The following DGLUCY variants were observed in gnomAD, a reference collection of about 807,000 sequenced individuals.
The protein encoded by DGLUCY is D-glutamate cyclase, mitochondrial.
Under a neutral mutation model 58.5 loss-of-function variants are expected in DGLUCY, and 58 were observed. The observed-to-expected ratio is 0.99, with a 90% CI of 0.80 to 1.23. The LOEUF (loss-of-function observed/expected upper bound fraction) is 1.23, where lower values mean the gene tolerates loss of function less well. DGLUCY is among the 50% of genes most tolerant of loss of function. The pLI is 0.00. For synonymous variants in DGLUCY, 325 were observed against 314.1 expected, an observed-to-expected ratio of 1.03 and a Z score of -0.37; for missense variants, 779 against 784.7, an observed-to-expected ratio of 0.99 and a Z score of 0.09.
intron 1 of DGLUCY, among the ~76,000 whole-genome samples, chr14:91,118,411 C>T (rs551783326): frequency 4.6e-5 from 7 of 152,116 alleles, no homozygotes; most frequent in African/African-American, 1.7e-4. Context: ...GTGCCAGACT[C>T]TTCATAACTC....
chr14:91,079,257 A>G (rs2044084301), intron 1 of DGLUCY, among the ~76,000 whole-genome samples: 1 of 152,004 alleles, frequency 6.6e-6, no homozygotes, highest in South Asian at 2.1e-4. Context: ...TCTGAGCGCA[A>G]TATTATACGC....
chr14:91,193,711 A>G (rs914659417), intron 9 of DGLUCY, among the ~76,000 whole-genome samples: 3 of 152,118 alleles, frequency 2.0e-5, no homozygotes, highest in African/African-American at 7.2e-5. Context: ...GTGTGGTGGC[A>G]CGCGCCTGTA....
At chr14:91,215,964 A>G (rs1194525593) in intron 13 of DGLUCY, 1 of 346,982 alleles carries the variant, frequency 2.9e-6, no homozygotes. Context: ...CAGCGAGGCC[A>G]CTAAAACCTC....
exon 1 of DGLUCY, chr14:91,060,615 C>CTT (rs2043635370): frequency 1.2e-6 from 1 of 846,082 alleles, no homozygotes; most frequent in East Asian, 3.4e-5. Flanking sequence ...CGCCTCCTCC[C>CTT]CCTTCGGCGG....
chr14:91,074,485 A>G (rs2043986674), intron 1 of DGLUCY, among the ~76,000 whole-genome samples: 1 of 151,816 alleles, frequency 6.6e-6, no homozygotes, highest in Non-Finnish European at 1.5e-5. Flanking sequence ...TGACTCAAAA[A>G]AACAAAAAAA....
At chr14:91,211,656 A>C (rs968086543) in intron 12 of DGLUCY, among the ~76,000 whole-genome samples, 2 of 152,258 alleles carry the variant, frequency 1.3e-5, no homozygotes, top group African/African-American at 2.4e-5. Flanking sequence ...ATCTAGACAT[A>C]TAGACGTTAC....
chr14:91,166,489 ACC>A (rs1435114149), intron 3 of DGLUCY, among the ~76,000 whole-genome samples: 5 of 151,942 alleles, frequency 3.3e-5, no homozygotes, highest in Non-Finnish European at 5.9e-5. Flanking sequence ...CCATAGTGAA[ACC>A]CCATCCCTAC....
At chr14:91,070,426 A>C (rs968990787) in intron 1 of DGLUCY, among the ~76,000 whole-genome samples, 27 of 152,232 alleles carry the variant, frequency 1.8e-4, no homozygotes, top group African/African-American at 4.3e-4. Flanking sequence ...AAAGTGAAGC[A>C]GCCGATTGCC....
At position 91,176,057 on chromosome 14, in the gene DGLUCY, G is replaced by A. The variant is rs2048835160; in HGVS notation, c.730+1G>A. On this transcript the variant is annotated splice_donor_variant, in intron 7 of 13. Transcript: ENST00000256324. LOFTEE classifies it high-confidence loss of function. ...AGTCTCGGAGCTGTCAGCAGCTGTG[G>A]TACGTTGGGGGATAATGGGACAATC... 2 of 1,613,788 alleles carry A rather than the reference G, an allele frequency of 1.2e-6. No individual in the cohort carries two copies. The highest frequency in any genetic ancestry group is 2.2e-5 in the East Asian group (1 of 44,866).
chr14:91,173,554 C>T (rs1460720535), intron 6 of DGLUCY, 115 bp downstream of exon 6: 1 of 1,345,810 alleles, frequency 7.4e-7, no homozygotes, highest in Non-Finnish European at 9.8e-7. Context: ...AGGTCAGTGT[C>T]TCTCGCTCCT....
At chr14:91,223,846 A>G in intron 13 of DGLUCY, 1 of 450,348 alleles carries the variant, frequency 2.2e-6, no homozygotes, top group Non-Finnish European at 3.7e-6. Context: ...GAGTACTTTT[A>G]TCATCACCCT....
At chr14:91,183,406 G>T (rs754394006) in intron 8 of DGLUCY, among the ~76,000 whole-genome samples, 5 of 152,180 alleles carry the variant, frequency 3.3e-5, no homozygotes, top group Non-Finnish European at 7.4e-5. Context: ...GGCCAGCAGG[G>T]ACTGCAGTTT....
At chr14:91,075,370 TG>T (rs2044003144) in intron 1 of DGLUCY, among the ~76,000 whole-genome samples, 1 of 152,112 alleles carries the variant, frequency 6.6e-6, no homozygotes. Context: ...CTCGAACCCC[TG>T]GCCTCAAGTG....
At chr14:91,207,393 C>G (rs1195786442) in intron 12 of DGLUCY, among the ~76,000 whole-genome samples, 1 of 151,672 alleles carries the variant, frequency 6.6e-6, no homozygotes, top group Non-Finnish European at 1.5e-5. Context: ...GGGACAACTA[C>G]AAAAGGTATA....
intron 1 of DGLUCY, among the ~76,000 whole-genome samples, chr14:91,089,650 A>G (rs533791929): frequency 1.3e-5 from 2 of 152,116 alleles, no homozygotes; most frequent in Admixed American, 1.3e-4. Context: ...GTGAAATCCC[A>G]TCTCTACTAA....
At chr14:91,213,578 G>A (rs1332071607) in intron 12 of DGLUCY, among the ~76,000 whole-genome samples, 1 of 152,086 alleles carries the variant, frequency 6.6e-6, no homozygotes, top group Non-Finnish European at 1.5e-5. Flanking sequence ...TGTAACAAAA[G>A]TACATCTTAA....
chr14:91,217,834 T>A lies in DGLUCY; in HGVS notation c.1716+2278T>A, dbSNP rs191322350. ...GTTTTCTTACACCCTGTCTCTTCCC[T>A]TTTTCCTTCTGTCTGTCTCTCCCTC... On this transcript the variant is annotated intron_variant, in intron 13 of 13. Coordinates refer to ENST00000256324, the MANE Select transcript of DGLUCY (RefSeq NM_001102368.3). 2.0e-3 allele frequency among the ~76,000 whole-genome samples: 304 copies of A among 152,292 alleles called. 1 individual carries two copies. Among genetic ancestry groups the A allele is most frequent in the African/African-American group, 6.6e-3 (273 of 41,572 alleles).
intron 13 of DGLUCY, chr14:91,220,459 G>T (rs759495214): frequency 3.1e-5 from 14 of 456,152 alleles, no homozygotes; most frequent in Non-Finnish European, 6.2e-5. Flanking sequence ...TGGGGCAGGT[G>T]TCAGGGTGTC....
chr14:91,166,419 C>G (rs1043058081), intron 3 of DGLUCY, among the ~76,000 whole-genome samples: 2 of 152,218 alleles, frequency 1.3e-5, no homozygotes, highest in Non-Finnish European at 2.9e-5. Context: ...AAGCCCAGCA[C>G]TTTGGGAGGC....
Sources: allele counts gnomAD v4.1 joint callset (sites outside exome capture counted in the v4.1 genomes callset), GRCh38; gene constraint gnomAD v4.1.1; transcripts MANE v1.5; gene names NCBI Gene and HGNC (gene_info 2026-07-23, HGNC 2026-07-21).